Variants in TMEM177 observed in about 807,000 individuals in gnomAD.
TMEM177 encodes the protein transmembrane protein 177.
Under a neutral mutation model 14.2 loss-of-function variants are expected in TMEM177, and 4 were observed. The ratio of observed to expected loss-of-function variants is 0.28; its 90% CI spans 0.14 to 0.64. TMEM177 has a LOEUF of 0.64. Among genes scored for constraint, TMEM177 ranks in the 30% least tolerant of loss-of-function variants. The pLI, the probability that TMEM177 is intolerant of heterozygous loss-of-function variation, is 0.82. For synonymous variants in TMEM177, 179 were observed against 174.5 expected (o/e 1.03, Z -0.20); for missense variants, 344 against 405.2 (o/e 0.85, Z 1.30).
chr2:119,689,926 G>A (rs1386025273), downstream of TMEM177, among the ~76,000 whole-genome samples: 3 of 152,316 alleles, frequency 2.0e-5, no homozygotes, highest in Non-Finnish European at 2.9e-5. Context: ...GAGCCACCTG[G>A]ACTCAGAGCC....
the TMEM177 span, among the ~76,000 whole-genome samples, chr2:119,694,745 G>A: frequency 3.9e-5 from 6 of 152,354 alleles, no homozygotes; most frequent in Admixed American, 2.0e-4. Flanking sequence ...TTGGGCCCCC[G>A]GTGAGGGTGG....
chr2:119,706,603 A>G, the TMEM177 span, among the ~76,000 whole-genome samples: 2 of 152,180 alleles, frequency 1.3e-5, no homozygotes, highest in African/African-American at 4.8e-5. Flanking sequence ...TTGACTAAAA[A>G]ACATATTTTT....
chr2:119,683,526 C>T (rs72834876), downstream of TMEM177, among the ~76,000 whole-genome samples: 3,751 of 152,254 alleles, frequency 0.025, 84 homozygotes, highest in Non-Finnish European at 0.034. Flanking sequence ...ACCACTCCCA[C>T]CCCCAACCCA....
chr2:119,706,739 G>C, the TMEM177 span, among the ~76,000 whole-genome samples: 1 of 152,066 alleles, frequency 6.6e-6, no homozygotes, highest in Admixed American at 6.6e-5. Context: ...GACCGGTGAA[G>C]CTGCTCAAAA....
the TMEM177 span, among the ~76,000 whole-genome samples, chr2:119,697,142 A>T: frequency 6.6e-6 from 1 of 152,216 alleles, no homozygotes. Flanking sequence ...GTCACACTCA[A>T]CTTGCCTTGA....
rs750085277 is a variant in TMEM177, at chr2:119,681,537, G to A, written c.684G>A (p.Glu228=). The A allele has an allele frequency of 1.2e-6, 2 of 1,614,174 alleles. No individual in the cohort carries two copies. Among genetic ancestry groups the A allele is most frequent in the Admixed American group, 3.3e-5 (2 of 60,032 alleles). The change falls in exon 2 of 2, where the codon GAG becomes GAA. Residue 228 remains glutamate (E), a synonymous_variant. Transcript: ENST00000272521. The part of the protein sequence containing the change: ...FSQDSLTHAV[E]SWLDRRTASL... ...AGGATTCTCTCACTCATGCCGTGGAGTCCTGGCTGGACCGCCGCACGGCCT... is the reference window on the plus strand; with the variant it reads ...AGGATTCTCTCACTCATGCCGTGGAATCCTGGCTGGACCGCCGCACGGCCT...
At chr2:119,708,068 AG>A in the TMEM177 span, among the ~76,000 whole-genome samples, 2 of 152,142 alleles carry the variant, frequency 1.3e-5, no homozygotes, top group East Asian at 1.9e-4. Flanking sequence ...CCCCCAGCCC[AG>A]GGTTGTCACA....
the TMEM177 span, among the ~76,000 whole-genome samples, chr2:119,709,824 CAAATAAATAAACAAAT>C: frequency 6.6e-6 from 1 of 152,000 alleles, no homozygotes; most frequent in Non-Finnish European, 1.5e-5. Context: ...GACTCCATCT[CAAATAAATAAACAAAT>C]AAATAAATAA....
At chr2:119,698,196 A>G in the TMEM177 span, among the ~76,000 whole-genome samples, 1 of 152,180 alleles carries the variant, frequency 6.6e-6, no homozygotes, top group Non-Finnish European at 1.5e-5. Context: ...GTGTGGTAGC[A>G]ACTTTTATTC....
Position 119,680,954 on chromosome 2 carries a change from A to C in TMEM177, c.101A>C (p.Tyr34Ser). 1 of 1,614,158 alleles carries C rather than the reference A, an allele frequency of 6.2e-7. No homozygotes were observed. The highest frequency in any genetic ancestry group is 8.5e-7 in the Non-Finnish European group (1 of 1,180,014). ...GGCCTGTTTGGAGTTCCAATCTCGT[A>C]CCACCTCTTCCCGGATCCCGTGGTC... ...CAGLFGVPIS[Y>S]HLFPDPVVQW... Residue 34 changes from tyrosine (Y) to serine (S), a missense_variant, in exon 2 of 2, where the codon TAC becomes TCC. Tyr to Ser is a moderately radical substitution (Grantham distance 144, BLOSUM62 -2). Coordinates refer to ENST00000272521, the MANE Select transcript of TMEM177 (RefSeq NM_030577.3).
chr2:119,705,494 G>C, the TMEM177 span, among the ~76,000 whole-genome samples: 1 of 152,152 alleles, frequency 6.6e-6, no homozygotes, highest in Non-Finnish European at 1.5e-5. Context: ...CTGTCAGCAG[G>C]AACCCCTCTC....
chr2:119,693,415 C>T, the TMEM177 span, among the ~76,000 whole-genome samples: 6 of 152,314 alleles, frequency 3.9e-5, no homozygotes, highest in East Asian at 1.2e-3. Context: ...TCGGTCTCTC[C>T]TAAAACTTCC....
the TMEM177 span, among the ~76,000 whole-genome samples, chr2:119,696,976 C>A: frequency 1.3e-5 from 2 of 152,176 alleles, no homozygotes; most frequent in Non-Finnish European, 2.9e-5. Flanking sequence ...CATTGTCTCT[C>A]CAGCTACTCC....
chr2:119,707,374 C>T, the TMEM177 span, among the ~76,000 whole-genome samples: 3 of 152,160 alleles, frequency 2.0e-5, no homozygotes, highest in African/African-American at 4.8e-5. Flanking sequence ...GACAAGGAAA[C>T]GGATTTGGGT....
At chr2:119,713,333 G>T in the TMEM177 span, among the ~76,000 whole-genome samples, 2 of 152,158 alleles carry the variant, frequency 1.3e-5, no homozygotes, top group African/African-American at 2.4e-5. Context: ...CTCCCAAAGT[G>T]CTGGGATCAT....
chr2:119,681,636 C>G lies in TMEM177; in HGVS notation c.783C>G (p.Arg261=), dbSNP rs1416712675. 1 of 1,614,140 alleles carries G rather than the reference C, an allele frequency of 6.2e-7. No individual in the cohort carries two copies. The highest frequency in any genetic ancestry group is 8.5e-7 in the Non-Finnish European group (1 of 1,180,058). Residue 261 remains arginine (R), a synonymous_variant, in exon 2 of 2, where the codon CGC becomes CGG. Transcript: ENST00000272521. ...EKLLSGNLAL[R]SLLGKDGEKL... is the part of the protein sequence containing the mutation. ...TTCTGTCGGGCAACCTGGCCCTGCG[C>G]AGTCTCTTGGGCAAAGACGGGGAGA...
chr2:119,681,723 C>G lies in TMEM177; in HGVS notation c.870C>G (p.Pro290=), dbSNP rs946800464. The change falls in exon 2 of 2, where the codon CCC becomes CCG. Residue 290 remains proline (P), a synonymous_variant. Coordinates refer to ENST00000272521, the MANE Select transcript of TMEM177 (RefSeq NM_030577.3). ...PRHLFRIKHL[P]YTTRRDSVLQ... ...ACTTGTTCCGAATCAAACATTTACCCTACACCACCCGCCGGGACTCTGTGC... is the reference window on the plus strand; with the variant it reads ...ACTTGTTCCGAATCAAACATTTACCGTACACCACCCGCCGGGACTCTGTGC... 1.2e-6 allele frequency: 2 copies of G among 1,614,052 alleles called. No homozygotes were observed. The highest frequency in any genetic ancestry group is 1.7e-6 in the Non-Finnish European group (2 of 1,180,054).
At chr2:119,702,131 G>C in the TMEM177 span, among the ~76,000 whole-genome samples, 1 of 152,226 alleles carries the variant, frequency 6.6e-6, no homozygotes, top group Non-Finnish European at 1.5e-5. Flanking sequence ...CTGGTCCCCA[G>C]GCAAGAACTG....
At chr2:119,708,217 C>T in the TMEM177 span, among the ~76,000 whole-genome samples, 4 of 152,154 alleles carry the variant, frequency 2.6e-5, no homozygotes, top group African/African-American at 9.7e-5. Flanking sequence ...GATCCTGACT[C>T]ATACAAACCA....
Sources: allele counts gnomAD v4.1 joint callset (sites outside exome capture counted in the v4.1 genomes callset), GRCh38; gene constraint gnomAD v4.1.1; transcripts MANE v1.5; gene names NCBI Gene and HGNC (gene_info 2026-07-23, HGNC 2026-07-21).